Variants in WWOX observed in about 807,000 individuals in gnomAD.
WWOX encodes the protein WW domain-containing oxidoreductase.
A neutral mutation model predicts 46.2 loss-of-function variants in WWOX; 69 were observed. That is an observed-to-expected ratio of 1.49 (90% confidence interval 1.23 to 1.82). The LOEUF is 1.82. WWOX is among the 40% of genes most tolerant of loss of function. WWOX has a pLI of 0.00. For synonymous variants in WWOX, 359 were observed against 202.6 expected (o/e 1.77, Z -6.56); for missense variants, 919 against 542.6 (o/e 1.69, Z -6.89).
chr16:78,329,889 G>A (rs759325750), intron 5 of WWOX, among the ~76,000 whole-genome samples: 4 of 151,908 alleles, frequency 2.6e-5, no homozygotes, highest in East Asian at 1.9e-4. Flanking sequence ...TGGGACTACA[G>A]GCGTGTACCA....
chr16:78,243,921 G>T (rs1346878870), intron 5 of WWOX, among the ~76,000 whole-genome samples: 1 of 152,180 alleles, frequency 6.6e-6, no homozygotes. Flanking sequence ...GTGGTAGTTG[G>T]TTTTCTCTTC....
intron 6 of WWOX, among the ~76,000 whole-genome samples, chr16:78,422,929 A>C (rs1395840545): frequency 6.8e-6 from 1 of 146,894 alleles, no homozygotes; most frequent in African/African-American, 2.5e-5. Flanking sequence ...TCTGTTGCCC[A>C]GGCTGGGGTG....
At chr16:78,515,173 G>A (rs918231824) in intron 8 of WWOX, among the ~76,000 whole-genome samples, 73 of 152,286 alleles carry the variant, frequency 4.8e-4, no homozygotes, top group African/African-American at 1.7e-3. Context: ...ACAGTGAACC[G>A]AGATCGTGTC....
chr16:78,299,265 C>G (rs62035711), intron 5 of WWOX, among the ~76,000 whole-genome samples: 26,770 of 152,082 alleles, frequency 0.18, 2,549 homozygotes, highest in South Asian at 0.27. Context: ...TTTTTATTCT[C>G]TAATCTCAGG....
At chr16:78,843,497 C>T (rs570103934) in intron 8 of WWOX, among the ~76,000 whole-genome samples, 1 of 150,160 alleles carries the variant, frequency 6.7e-6, no homozygotes, top group African/African-American at 2.4e-5. Flanking sequence ...TAGCACCCTC[C>T]ATATGCAACA....
intron 5 of WWOX, among the ~76,000 whole-genome samples, chr16:78,303,539 G>C (rs147991573): frequency 6.9e-4 from 105 of 152,122 alleles, no homozygotes; most frequent in African/African-American, 2.5e-3. Flanking sequence ...GTTTTTGTTT[G>C]TTGGTTGGTT....
Position 78,377,807 on chromosome 16 carries a change from A to G in WWOX, c.517-9053A>G, listed in dbSNP as rs751706613. On this transcript the variant is annotated intron_variant, in intron 5 of 8. Coordinates refer to ENST00000566780, the MANE Select transcript of WWOX (RefSeq NM_016373.4). The stretch of plus-strand genomic sequence containing the variant: ...GCTTTCCATGGCACGCAACTCATAT[A>G]CTAAATTAAATAAGCTGTTATCTGG... Among the ~76,000 whole-genome samples the G allele has an allele frequency of 6.9e-4, 105 of 152,224 alleles. 1 individual carries two copies. The highest frequency in any genetic ancestry group is 1.4e-3 in the Non-Finnish European group (93 of 68,052).
intron 8 of WWOX, among the ~76,000 whole-genome samples, chr16:78,853,366 C>T (rs1013110738): frequency 2.6e-5 from 4 of 152,102 alleles, no homozygotes; most frequent in Admixed American, 6.6e-5. Context: ...GCGCATGCCA[C>T]GAAGCCCGAC....
chr16:78,105,064 C>T (rs57694655), intron 1 of WWOX, among the ~76,000 whole-genome samples: 12,469 of 152,170 alleles, frequency 0.082, 1,072 homozygotes, highest in African/African-American at 0.22. Context: ...CTGCAGGGGA[C>T]GGCTGGCAAT....
Position 78,109,860 on chromosome 16 carries a change from C to G in WWOX, c.230+25C>G, listed in dbSNP as rs192470406. 884 of 1,613,892 alleles carry G rather than the reference C, an allele frequency of 5.5e-4. 14 individuals are homozygous for G. In the East Asian group the frequency reaches 0.014, roughly 25 times the overall value. On this transcript the variant is annotated intron_variant, in intron 3 of 8. Coordinates refer to ENST00000566780, the MANE Select transcript of WWOX (RefSeq NM_016373.4). The stretch of plus-strand genomic sequence containing the variant: ...AGTAAGTGTCTGCAAAGAAACCACT[C>G]TCAGCTGTTTTGCTTTTTAATAGGA...
At chr16:78,523,589 A>T (rs2043395344) in intron 8 of WWOX, among the ~76,000 whole-genome samples, 1 of 152,206 alleles carries the variant, frequency 6.6e-6, no homozygotes, top group Admixed American at 6.5e-5. Flanking sequence ...AGGTGGGGGA[A>T]GAGTTATTCT....
At chr16:78,728,246 G>A (rs1238638152) in intron 8 of WWOX, among the ~76,000 whole-genome samples, 1 of 151,360 alleles carries the variant, frequency 6.6e-6, no homozygotes, top group African/African-American at 2.4e-5. Flanking sequence ...TGTATTTTTT[G>A]TAGAGATGGG....
intron 5 of WWOX, among the ~76,000 whole-genome samples, chr16:78,384,469 C>G (rs60137776): frequency 0.021 from 3,249 of 152,104 alleles, 93 homozygotes; most frequent in African/African-American, 0.067. Context: ...GTTACTCAGA[C>G]AGCTTATGAG....
chr16:78,683,561 TAAAA>T (rs34149074), intron 8 of WWOX, among the ~76,000 whole-genome samples: 1 of 149,800 alleles, frequency 6.7e-6, no homozygotes, highest in African/African-American at 2.5e-5. Context: ...ATAAAAATAA[TAAAA>T]AAAAAATTAC....
chr16:78,646,829 A>G (rs1490760766), intron 8 of WWOX, among the ~76,000 whole-genome samples: 1 of 152,078 alleles, frequency 6.6e-6, no homozygotes, highest in African/African-American at 2.4e-5. Context: ...CCTTCCTTTT[A>G]TCTCCCATCA....
At chr16:78,405,974 A>G (rs377764111) in intron 6 of WWOX, among the ~76,000 whole-genome samples, 1 of 152,120 alleles carries the variant, frequency 6.6e-6, no homozygotes, top group African/African-American at 2.4e-5. Context: ...TCTTATGCAC[A>G]TATCATGCAA....
chr16:78,817,551 C>T (rs1277102025), intron 8 of WWOX, among the ~76,000 whole-genome samples: 3 of 152,196 alleles, frequency 2.0e-5, no homozygotes, highest in African/African-American at 7.2e-5. Flanking sequence ...AATCAAAATT[C>T]ACGAACCCAT....
intron 5 of WWOX, among the ~76,000 whole-genome samples, chr16:78,265,105 A>T (rs2079335381): frequency 6.8e-6 from 1 of 146,484 alleles, no homozygotes; most frequent in East Asian, 2.1e-4. Flanking sequence ...GGTTCAAGTG[A>T]TTCTCCTTCT....
intron 5 of WWOX, among the ~76,000 whole-genome samples, chr16:78,176,746 G>A (rs2035359890): frequency 6.6e-6 from 1 of 152,170 alleles, no homozygotes; most frequent in Non-Finnish European, 1.5e-5. Flanking sequence ...AGCCAGGAGA[G>A]AATTAGTTGA....
Sources: allele counts gnomAD v4.1 joint callset (sites outside exome capture counted in the v4.1 genomes callset), GRCh38; gene constraint gnomAD v4.1.1; transcripts MANE v1.5; gene names NCBI Gene and HGNC (gene_info 2026-07-23, HGNC 2026-07-21).